Variants in MYT1L observed in about 807,000 individuals in gnomAD.
MYT1L encodes the protein myelin transcription factor 1 like.
A neutral mutation model predicts 126.7 loss-of-function variants in MYT1L; 12 were observed. The observed-to-expected ratio is 0.09, with a 90% CI of 0.06 to 0.15. MYT1L has a LOEUF of 0.15. Ranked by LOEUF, MYT1L falls within the 10% of genes least tolerant of loss-of-function variation. MYT1L has a pLI of 1.00. For missense variants in MYT1L, 979 were observed against 1,585.2 expected (o/e 0.62, Z 6.49); for synonymous variants, 541 against 604.2 (o/e 0.90, Z 1.53).
At chr2:2,330,672 T>C (rs1204581778) in intron 1 of MYT1L, among the ~76,000 whole-genome samples, 1 of 152,220 alleles carries the variant, frequency 6.6e-6, no homozygotes, top group African/African-American at 2.4e-5. Context: ...TGTTTCAGTA[T>C]CCTCTTATCC....
intron 4 of MYT1L, among the ~76,000 whole-genome samples, chr2:2,039,386 G>A (rs974056201): frequency 2.7e-5 from 4 of 150,422 alleles, no homozygotes; most frequent in African/African-American, 4.9e-5. Context: ...CAGGGCAACA[G>A]AATGAGACCC....
intron 21 of MYT1L, among the ~76,000 whole-genome samples, chr2:1,820,569 C>T (rs1480790645): frequency 6.6e-6 from 1 of 152,058 alleles, no homozygotes; most frequent in Non-Finnish European, 1.5e-5. Context: ...GTTGTTGAGA[C>T]AGGGTTTTGC....
intron 18 of MYT1L, among the ~76,000 whole-genome samples, chr2:1,881,893 C>G (rs2047602019): frequency 6.6e-6 from 1 of 152,158 alleles, no homozygotes. Context: ...GATTGAGGAG[C>G]AGGCATGAAG....
At chr2:2,190,178 C>T (rs529072513) in intron 2 of MYT1L, among the ~76,000 whole-genome samples, 5 of 151,556 alleles carry the variant, frequency 3.3e-5, no homozygotes, top group Admixed American at 6.5e-5. Context: ...GGAAGAAGGA[C>T]GGGCACAGTG....
chr2:2,218,747 G>A (rs1172512343), intron 2 of MYT1L, among the ~76,000 whole-genome samples: 1 of 152,210 alleles, frequency 6.6e-6, no homozygotes, highest in Non-Finnish European at 1.5e-5. Flanking sequence ...GCATAAATGA[G>A]AGGGTTTGGT....
chr2:1,983,172 C>T lies in MYT1L; in HGVS notation c.1-3395G>A, dbSNP rs561309031. 2.6e-5 allele frequency among the ~76,000 whole-genome samples: 4 copies of T among 152,254 alleles called. No homozygotes were observed. The East Asian group carries it at 7.8e-4, about 30-fold the overall frequency. On this transcript the variant is annotated intron_variant, in intron 5 of 24. Transcript: ENST00000647738. Reference sequence around the variant, plus strand: ...ACAGTTGGGTCAGACTCTCTGTTCCCTCCTCCGTCGGTTCCTTCCAGTGCA... The same window carrying T: ...ACAGTTGGGTCAGACTCTCTGTTCCTTCCTCCGTCGGTTCCTTCCAGTGCA...
At chr2:2,172,298 A>G (rs2148540640) in intron 3 of MYT1L, among the ~76,000 whole-genome samples, 1 of 151,272 alleles carries the variant, frequency 6.6e-6, no homozygotes, top group East Asian at 2.0e-4. Context: ...GTGATTCTAC[A>G]TGAGCCATTT....
chr2:2,115,285 T>C (rs1037938321), intron 3 of MYT1L, among the ~76,000 whole-genome samples: 87 of 152,364 alleles, frequency 5.7e-4, no homozygotes, highest in Middle Eastern at 3.4e-3. Context: ...AGGCCAGTGT[T>C]TTTACCAGTT....
chr2:2,305,958 G>A (rs2095851818), intron 1 of MYT1L: 1 of 152,172 alleles, frequency 6.6e-6, no homozygotes, highest in Non-Finnish European at 1.5e-5. Flanking sequence ...GCCTATTTCT[G>A]GACAATGGCA....
chr2:2,205,095 C>T (rs1161230543), intron 2 of MYT1L, among the ~76,000 whole-genome samples: 1 of 123,128 alleles, frequency 8.1e-6, no homozygotes, highest in African/African-American at 3.2e-5. Flanking sequence ...GGGAACATCA[C>T]ATACAGGGGC....
At position 1,979,667 on chromosome 2, in the gene MYT1L, C is replaced by T. The variant is rs928463383; in HGVS notation, c.55+56G>A. 7.3e-5 allele frequency: 117 copies of T among 1,610,284 alleles called. No homozygotes were observed. The highest frequency in any genetic ancestry group is 1.7e-4 in the African/African-American group (13 of 74,832). ...GTGGGGTCAGAATCGACCTCAGTTC[C>T]GCAGGATGAAGGTGACCCTGAGCCG... On this transcript the variant is annotated intron_variant, in intron 6 of 24. Transcript: ENST00000647738. This position sits in a 1 kb window ranked among gnomAD's most constrained non-coding sequence, Gnocchi z 4.0.
At chr2:2,261,536 A>G (rs543635234) in intron 2 of MYT1L, among the ~76,000 whole-genome samples, 27 of 152,352 alleles carry the variant, frequency 1.8e-4, no homozygotes, top group African/African-American at 6.5e-4. Context: ...CCAAGTCCTC[A>G]AAACTTCTAT....
chr2:1,966,944 T>C (rs1310718429), intron 8 of MYT1L, among the ~76,000 whole-genome samples: 1 of 152,232 alleles, frequency 6.6e-6, no homozygotes, highest in Non-Finnish European at 1.5e-5. Flanking sequence ...ATTATTTTTT[T>C]TCTCACTTTT....
intron 2 of MYT1L, among the ~76,000 whole-genome samples, chr2:2,246,452 G>A (rs995682528): frequency 4.6e-5 from 7 of 152,120 alleles, no homozygotes; most frequent in Non-Finnish European, 7.3e-5. Context: ...ACCATGAGAC[G>A]GGTACTGAAT....
intron 8 of MYT1L, among the ~76,000 whole-genome samples, chr2:1,965,799 C>A (rs1056217372): frequency 1.3e-5 from 2 of 152,206 alleles, no homozygotes; most frequent in Non-Finnish European, 2.9e-5. Context: ...TGCACAGATG[C>A]CCAGAGCTTG....
At chr2:2,034,252 T>C (rs1010164681) in intron 4 of MYT1L, among the ~76,000 whole-genome samples, 3 of 152,012 alleles carry the variant, frequency 2.0e-5, no homozygotes, top group Non-Finnish European at 4.4e-5. Flanking sequence ...CACCCACAAC[T>C]TCATGCGGGT....
intron 2 of MYT1L, among the ~76,000 whole-genome samples, chr2:2,229,862 C>A (rs2094119798): frequency 6.6e-6 from 1 of 152,156 alleles, no homozygotes; most frequent in African/African-American, 2.4e-5. Flanking sequence ...CCTCCCAAGT[C>A]TTTGTCCTCT....
At chr2:1,937,939 C>T (rs946752587) in intron 9 of MYT1L, among the ~76,000 whole-genome samples, 1 of 152,216 alleles carries the variant, frequency 6.6e-6, no homozygotes, top group Non-Finnish European at 1.5e-5. Context: ...AAAAGGAAGA[C>T]ACCTGCGTGT....
At position 1,929,222 on chromosome 2, in the gene MYT1L, G is replaced by A. The variant is rs2054623272; in HGVS notation, c.506-5959C>T. Among the ~76,000 whole-genome samples, 1 of 152,106 alleles carries A rather than the reference G, an allele frequency of 6.6e-6. No homozygotes were observed. Among genetic ancestry groups the A allele is most frequent in the Admixed American group, 6.5e-5 (1 of 15,274 alleles). On this transcript the variant is annotated intron_variant, in intron 9 of 24. Transcript: ENST00000647738. This position sits in a 1 kb window ranked among gnomAD's most constrained non-coding sequence, Gnocchi z 4.7. Reference sequence around the variant, plus strand: ...TCAGTCGGGCACCTCTCCTAGGTGCGGCGCTGACCTCGGCGCCCCTCAGCT... The same window carrying A: ...TCAGTCGGGCACCTCTCCTAGGTGCAGCGCTGACCTCGGCGCCCCTCAGCT...
Sources: gnomAD v4.1 joint callset for allele counts (sites outside exome capture counted in the v4.1 genomes callset) on GRCh38, gnomAD v4.1.1 for gene constraint, Gnocchi (gnomAD v3.1) non-coding constraint, MANE v1.5 for transcripts, NCBI Gene and HGNC (gene_info 2026-07-23, HGNC 2026-07-21) for gene names.